Variants in BCAS4 observed in about 807,000 individuals in gnomAD.
BCAS4 encodes breast carcinoma amplified sequence 4.
A neutral mutation model predicts 15.7 loss-of-function variants in BCAS4; 9 were observed. The ratio of observed to expected loss-of-function variants is 0.57; its 90% CI spans 0.34 to 1.00. The LOEUF is 1.00. Among genes scored for constraint, BCAS4 ranks in the 50% least tolerant of loss-of-function variants. The probability of loss-of-function intolerance (pLI) is 0.02; values close to 1 mark genes in which losing one functional copy is unlikely to be tolerated. For synonymous variants in BCAS4, 101 were observed against 99.5 expected, an observed-to-expected ratio of 1.02 and a Z score of -0.09; for missense variants, 225 against 239.1, an observed-to-expected ratio of 0.94 and a Z score of 0.39.
intron 1 of BCAS4, among the ~76,000 whole-genome samples, chr20:50,813,823 C>T (rs1225665766): frequency 2.7e-5 from 4 of 149,976 alleles, no homozygotes; most frequent in African/African-American, 7.4e-5. Flanking sequence ...AACCATGATT[C>T]GCAGGTGTTT....
intron 2 of BCAS4, among the ~76,000 whole-genome samples, chr20:50,820,273 C>T (rs960299265): frequency 5.3e-5 from 8 of 152,158 alleles, no homozygotes; most frequent in African/African-American, 1.7e-4. Flanking sequence ...CAGTTGGTGC[C>T]GTCCCATGCT....
intron 4 of BCAS4, among the ~76,000 whole-genome samples, chr20:50,868,850 C>T (rs1451202667): frequency 6.6e-6 from 1 of 152,256 alleles, no homozygotes; most frequent in Non-Finnish European, 1.5e-5. Context: ...ACAGGCTGCA[C>T]CTGGTGCTTT....
intron 3 of BCAS4, among the ~76,000 whole-genome samples, chr20:50,831,632 G>A (rs2088344946): frequency 6.6e-6 from 1 of 152,124 alleles, no homozygotes; most frequent in Non-Finnish European, 1.5e-5. Flanking sequence ...AGGAGCATAA[G>A]CTTTGCAAGG....
chr20:50,803,854 CCTGAGTATT>C (rs771184440), intron 1 of BCAS4, among the ~76,000 whole-genome samples: 10 of 151,540 alleles, frequency 6.6e-5, no homozygotes, highest in Non-Finnish European at 1.2e-4. Flanking sequence ...TGCCCCCATC[CCTGAGTATT>C]CTGATTTAAT....
chr20:50,844,772 C>T (rs768097052), intron 4 of BCAS4, among the ~76,000 whole-genome samples: 21 of 152,132 alleles, frequency 1.4e-4, no homozygotes, highest in Non-Finnish European at 2.5e-4. Flanking sequence ...GTGGCTGGGG[C>T]ATGCTGGGAC....
At chr20:50,852,358 T>TTGTGGCTTTG (rs1330074535) in intron 4 of BCAS4, among the ~76,000 whole-genome samples, 2 of 150,638 alleles carry the variant, frequency 1.3e-5, no homozygotes, top group Non-Finnish European at 2.9e-5. Context: ...CTTGCGCTTT[T>TTGTGGCTTTG]TGTGGCTTTG....
chr20:50,804,950 C>A (rs530840381), intron 1 of BCAS4, among the ~76,000 whole-genome samples: 2 of 152,088 alleles, frequency 1.3e-5, no homozygotes, highest in Non-Finnish European at 2.9e-5. Context: ...CCCTGGCTTC[C>A]GGGATCTTTC....
chr20:50,837,571 C>G (rs549920509), intron 3 of BCAS4, among the ~76,000 whole-genome samples: 1 of 152,178 alleles, frequency 6.6e-6, no homozygotes, highest in Non-Finnish European at 1.5e-5. Flanking sequence ...CTCCCTGCAC[C>G]CAGCCCTCAG....
intron 4 of BCAS4, among the ~76,000 whole-genome samples, chr20:50,855,925 A>T (rs894457527): frequency 6.6e-6 from 1 of 152,248 alleles, no homozygotes; most frequent in African/African-American, 2.4e-5. Flanking sequence ...GGTGGGCTGC[A>T]TGCATCTCAC....
rs747248326 is a variant in BCAS4 at position 50,795,143 on chromosome 20, G to T, written c.60G>T (p.Ala20=). ...TGCGCAGCGGGGCGCGCGAGCTCGC[G>T]CTCTTCCTGACCCCCGAGCCTGGGG... The part of the protein sequence containing the change: ...EPMRSGAREL[A]LFLTPEPGAE... The change falls in exon 1 of 5, where the codon GCG becomes GCT. Residue 20 remains alanine, a synonymous_variant. Transcript: ENST00000371608. The T allele has an allele frequency of 1.5e-5, 22 of 1,470,432 alleles. No individual in the cohort carries two copies. The highest frequency in any genetic ancestry group is 2.6e-5 in the South Asian group (2 of 76,822). 91.1% of individuals were successfully genotyped at this position (1,470,432 alleles called of 1,614,324 possible). A position where few individuals can be genotyped will look rare whatever the true frequency, so the allele number is the denominator to read the frequency against.
intron 4 of BCAS4, 141 bp downstream of exon 4, chr20:50,842,041 C>G (rs906989771): frequency 1.8e-6 from 2 of 1,087,852 alleles, no homozygotes; most frequent in Admixed American, 6.2e-5. Flanking sequence ...TACAGGCGGC[C>G]AGGCACCTCA....
chr20:50,856,112 A>C (rs1215706045), intron 4 of BCAS4, among the ~76,000 whole-genome samples: 1 of 152,192 alleles, frequency 6.6e-6, no homozygotes. Flanking sequence ...AGGGGATGGC[A>C]GGTGTGATCG....
chr20:50,875,638 G>T (rs987409648), intron 4 of BCAS4, among the ~76,000 whole-genome samples: 1 of 150,642 alleles, frequency 6.6e-6, no homozygotes, highest in South Asian at 2.1e-4. Context: ...AAAATTAGCC[G>T]GGCGTGGTGG....
At chr20:50,847,336 C>T (rs183628223) in intron 4 of BCAS4, among the ~76,000 whole-genome samples, 3 of 152,274 alleles carry the variant, frequency 2.0e-5, no homozygotes, top group Non-Finnish European at 4.4e-5. Flanking sequence ...ATCCACCCAC[C>T]TCGGCCTCCC....
At chr20:50,821,769 G>A (rs921268608) in intron 2 of BCAS4, among the ~76,000 whole-genome samples, 1 of 152,154 alleles carries the variant, frequency 6.6e-6, no homozygotes, top group African/African-American at 2.4e-5. Flanking sequence ...CCAGCTTCCC[G>A]TCTGCTCTAT....
At chr20:50,873,523 A>T (rs565388309) in intron 4 of BCAS4, among the ~76,000 whole-genome samples, 1 of 152,364 alleles carries the variant, frequency 6.6e-6, no homozygotes, top group South Asian at 2.1e-4. Flanking sequence ...TTTTCTAGAT[A>T]TCATGACAGC....
intron 3 of BCAS4, chr20:50,840,922 C>T (rs902690595): frequency 6.2e-5 from 36 of 581,336 alleles, no homozygotes; most frequent in South Asian, 1.4e-4. Context: ...CTCCGCCTCC[C>T]GGGTTCAAGT....
chr20:50,882,439 C>G, the BCAS4 span: 1 of 152,156 alleles, frequency 6.6e-6, no homozygotes, highest in African/African-American at 2.4e-5. Flanking sequence ...GGTGTGGAAA[C>G]ATCGCCAAGA....
intron 1 of BCAS4, among the ~76,000 whole-genome samples, chr20:50,799,109 A>G (rs564664301): frequency 9.2e-5 from 14 of 152,236 alleles, no homozygotes; most frequent in Admixed American, 7.2e-4. Flanking sequence ...TAGCATCCTG[A>G]GTGCATTTCT....
Sources: gnomAD v4.1 joint callset for allele counts (sites outside exome capture counted in the v4.1 genomes callset) on GRCh38, gnomAD v4.1.1 for gene constraint, MANE v1.5 for transcripts, NCBI Gene and HGNC (gene_info 2026-07-23, HGNC 2026-07-21) for gene names.